Variants in IL16 observed in about 807,000 individuals in gnomAD.
IL16 encodes the protein interleukin 16, also known as pro-interleukin-16.
A neutral mutation model predicts 110.1 loss-of-function variants in IL16; 67 were observed. That is an observed-to-expected ratio of 0.61 (90% confidence interval 0.50 to 0.75). The LOEUF (loss-of-function observed/expected upper bound fraction) is 0.75, where lower values mean the gene tolerates loss of function less well. Ranked by LOEUF, IL16 falls within the 30% of genes least tolerant of loss-of-function variation. IL16 has a pLI of 0.00. For synonymous variants in IL16, 689 were observed against 662.9 expected, an observed-to-expected ratio of 1.04 and a Z score of -0.61; for missense variants, 1,545 against 1,655.0, an observed-to-expected ratio of 0.93 and a Z score of 1.15.
intron 2 of IL16, among the ~76,000 whole-genome samples, chr15:81,245,283 T>C (rs1897497374): frequency 6.6e-6 from 1 of 152,210 alleles, no homozygotes; most frequent in Non-Finnish European, 1.5e-5. Flanking sequence ...CCTTCCATTT[T>C]AGCTGCCTTT....
intron 1 of IL16, among the ~76,000 whole-genome samples, chr15:81,189,443 A>G (rs1269142923): frequency 6.6e-6 from 1 of 151,886 alleles, no homozygotes; most frequent in Non-Finnish European, 1.5e-5. Context: ...CTAATTTTTC[A>G]TTTTTATTTT....
chr15:81,285,926 G>A (rs1899430990), intron 10 of IL16, 96 bp downstream of exon 10: 2 of 1,359,398 alleles, frequency 1.5e-6, no homozygotes, highest in Non-Finnish European at 2.1e-6. Context: ...GTTGCTGGCT[G>A]GGTTTGTACC....
At chr15:81,219,513 G>A (rs957080551) in intron 1 of IL16, among the ~76,000 whole-genome samples, 12 of 152,040 alleles carry the variant, frequency 7.9e-5, no homozygotes, top group African/African-American at 2.9e-4. Flanking sequence ...TGTGCCCCAG[G>A]GGCCTGGATC....
At chr15:81,277,275 T>C (rs1228402432) in intron 6 of IL16, among the ~76,000 whole-genome samples, 2 of 152,054 alleles carry the variant, frequency 1.3e-5, no homozygotes, top group African/African-American at 4.8e-5. Context: ...TTAGAAAGAA[T>C]AGAGTGAAAA....
chr15:81,296,392 GA>G (rs1899985104), intron 12 of IL16, among the ~76,000 whole-genome samples: 1 of 152,246 alleles, frequency 6.6e-6, no homozygotes, highest in East Asian at 1.9e-4. Flanking sequence ...AGGTGCCACA[GA>G]GGGGAGCAAT....
chr15:81,193,784 A>G (rs1895536592), upstream of IL16, among the ~76,000 whole-genome samples: 2 of 152,176 alleles, frequency 1.3e-5, no homozygotes, highest in African/African-American at 2.4e-5. Context: ...CAGTGTTTGC[A>G]TCCGTAAGTG....
chr15:81,209,581 C>A (rs112669780), intron 1 of IL16, among the ~76,000 whole-genome samples: 1 of 151,788 alleles, frequency 6.6e-6, no homozygotes, highest in African/African-American at 2.4e-5. Flanking sequence ...AGAGTGAATT[C>A]TAAGCAAGGG....
intron 1 of IL16, among the ~76,000 whole-genome samples, chr15:81,207,203 A>C (rs1208859136): frequency 1.3e-5 from 2 of 149,154 alleles, no homozygotes; most frequent in Non-Finnish European, 3.0e-5. Context: ...ATGCCACTGC[A>C]CTCCAGGCTG....
At chr15:81,225,222 C>G in intron 1 of IL16, 77 bp from the exon 2 acceptor site, 1 of 1,242,426 alleles carries the variant, frequency 8.0e-7, no homozygotes, top group Non-Finnish European at 1.1e-6. Context: ...ACCCGTGGCT[C>G]AGATCCAGGA....
In IL16 at chr15:81,292,918, TC is replaced by T; in HGVS notation, c.1785del (p.Lys596SerfsTer90). On this transcript the variant is annotated frameshift_variant, in exon 12 of 19. Transcript: ENST00000683961. LOFTEE classifies it high-confidence loss of function. Reference protein sequence around the residue: ...FEILVRKPMSSKPKPPPRKYF... With the variant: ...FEILVRKPMSXKPKPPPRKYF... ...GATTTTGGTGAGAAAGCCTATGTCC[TC>T]CAAGCCCAAGCCTCCACCCAGAAAA... 6.2e-7 allele frequency: 1 copy of T among 1,614,180 alleles called. No individual in the cohort carries two copies.
chr15:81,278,944 A>T, intron 7 of IL16, 54 bp downstream of exon 7: 1 of 1,206,820 alleles, frequency 8.3e-7, no homozygotes, highest in Non-Finnish European at 1.2e-6. Context: ...AGGCAAAGAA[A>T]CCAAGCTCTC....
intron 2 of IL16, among the ~76,000 whole-genome samples, chr15:81,244,065 T>C (rs986530863): frequency 6.6e-6 from 1 of 152,194 alleles, no homozygotes; most frequent in Non-Finnish European, 1.5e-5. Context: ...CTCATTATAG[T>C]CTACTAGTGA....
chr15:81,249,243 C>T (rs1057510396), intron 2 of IL16, among the ~76,000 whole-genome samples: 1 of 152,104 alleles, frequency 6.6e-6, no homozygotes, highest in African/African-American at 2.4e-5. Flanking sequence ...ATTATTATTA[C>T]TTCAGTCACT....
chr15:81,225,161 G>A (rs1896744723), intron 1 of IL16, 138 bp from the exon 2 acceptor site: 1 of 667,698 alleles, frequency 1.5e-6, no homozygotes, highest in Non-Finnish European at 2.4e-6. Context: ...GGAAGGGCCA[G>A]TGATCTTAAA....
intron 1 of IL16, among the ~76,000 whole-genome samples, chr15:81,223,977 C>A (rs73499340): frequency 1.3e-5 from 2 of 152,156 alleles, no homozygotes; most frequent in African/African-American, 2.4e-5. Flanking sequence ...GGATCAAAAC[C>A]GAATTAATTT....
chr15:81,299,276 C>T (rs767429126), intron 13 of IL16, 104 bp from the exon 14 acceptor site: 2 of 1,591,200 alleles, frequency 1.3e-6, no homozygotes, highest in South Asian at 2.2e-5. Context: ...TGCTAATCTC[C>T]TCCTCTTGAA....
intron 2 of IL16, among the ~76,000 whole-genome samples, chr15:81,231,809 G>T (rs187470993): frequency 6.6e-6 from 1 of 151,898 alleles, no homozygotes; most frequent in Non-Finnish European, 1.5e-5. Flanking sequence ...TTTTTCCTAC[G>T]TGAATATCCA....
intron 2 of IL16, among the ~76,000 whole-genome samples, chr15:81,232,485 C>A (rs1897042401): frequency 6.6e-6 from 1 of 152,052 alleles, no homozygotes. Context: ...TTTGTAGCTA[C>A]CCTTCATTAG....
At chr15:81,195,080 A>G (rs1020981317), upstream of IL16, among the ~76,000 whole-genome samples, 1 of 152,180 alleles carries the variant, frequency 6.6e-6, no homozygotes, top group African/African-American at 2.4e-5. Flanking sequence ...TTGAAGCACA[A>G]ACCACCCCGT....
Sources: gnomAD v4.1 joint callset for allele counts (sites outside exome capture counted in the v4.1 genomes callset) on GRCh38, gnomAD v4.1.1 for gene constraint, MANE v1.5 for transcripts, NCBI Gene and HGNC (gene_info 2026-07-23, HGNC 2026-07-21) for gene names.